Variants in OR3A2 observed in about 807,000 individuals in gnomAD.
The protein encoded by OR3A2 is olfactory receptor 3A2.
For missense variants in OR3A2, 318 were observed against 392.8 expected, an observed-to-expected ratio of 0.81 and a Z score of 1.61; for synonymous variants, 126 against 159.3, an observed-to-expected ratio of 0.79 and a Z score of 1.57.
At chr17:3,301,154 G>C (rs1039961775) in intron 3 of OR3A2, among the ~76,000 whole-genome samples, 2 of 152,108 alleles carry the variant, frequency 1.3e-5, no homozygotes, top group African/African-American at 4.8e-5. Flanking sequence ...ATAAACATAC[G>C]TGTGCATGTG....
At chr17:3,287,698 G>A (rs1204481802), upstream of OR3A2, among the ~76,000 whole-genome samples, 2 of 152,030 alleles carry the variant, frequency 1.3e-5, no homozygotes, top group Non-Finnish European at 2.9e-5. Context: ...TATTTATCAC[G>A]TGTCATTTCC....
intron 3 of OR3A2, among the ~76,000 whole-genome samples, chr17:3,321,738 T>C (rs2049124188): frequency 6.6e-6 from 1 of 152,132 alleles, no homozygotes. Flanking sequence ...GCCCACTTGA[T>C]CATGGTGGAT....
intron 2 of OR3A2, among the ~76,000 whole-genome samples, chr17:3,352,272 T>A (rs948488817): frequency 1.3e-5 from 2 of 151,978 alleles, no homozygotes; most frequent in African/African-American, 4.8e-5. Flanking sequence ...ATCTCATTTG[T>A]CCATTTTTGC....
chr17:3,376,550 A>T (rs1196783557), intron 2 of OR3A2, among the ~76,000 whole-genome samples: 1 of 152,088 alleles, frequency 6.6e-6, no homozygotes, highest in African/African-American at 2.4e-5. Context: ...TGCATCATAC[A>T]TATCACCAGG....
chr17:3,284,423 C>T (rs961282334), upstream of OR3A2: 1 of 151,892 alleles, frequency 6.6e-6, no homozygotes, highest in Non-Finnish European at 1.5e-5. Context: ...GCGCACACCC[C>T]GTTATCCTCC....
intron 3 of OR3A2, chr17:3,291,636 C>G: frequency 6.3e-7 from 1 of 1,593,542 alleles, no homozygotes; most frequent in Non-Finnish European, 8.6e-7. Flanking sequence ...GAGACCTCCT[C>G]AAGCCAGTGA....
chr17:3,300,629 C>T (rs1482525881), intron 3 of OR3A2, among the ~76,000 whole-genome samples: 1 of 151,702 alleles, frequency 6.6e-6, no homozygotes, highest in Non-Finnish European at 1.5e-5. Context: ...TACTATTGGC[C>T]TAAATGAAGA....
In OR3A2 at chr17:3,278,376, T is replaced by A. The variant is rs756097171; in HGVS notation, c.542A>T (p.Tyr181Phe). Reference sequence around the variant, plus strand: ...CTGGAAGAGCTGTGGGAGGTCACAGTAGAAGTGATTGACCTCATTGGGGCC... The same window carrying A: ...CTGGAAGAGCTGTGGGAGGTCACAGAAGAAGTGATTGACCTCATTGGGGCC... The change falls in exon 2 of 2, where the codon TAC becomes TTC. Residue 181 changes from tyrosine to phenylalanine, a missense_variant. Physicochemically the swap from Tyr to Phe is conservative, Grantham distance 22. Transcript: ENST00000642052. The A allele has an allele frequency of 3.1e-6, 5 of 1,613,880 alleles. No individual in the cohort carries two copies. The African/African-American group carries it at 6.7e-5, about 22-fold the overall frequency.
intron 3 of OR3A2, chr17:3,291,700 A>C (rs200200529): frequency 2.5e-6 from 4 of 1,611,698 alleles, no homozygotes; most frequent in African/African-American, 1.3e-5. Flanking sequence ...GGGTTTCTGA[A>C]GCTGTAGATG....
At chr17:3,348,118 T>A (rs1233675019) in intron 2 of OR3A2, among the ~76,000 whole-genome samples, 1 of 152,164 alleles carries the variant, frequency 6.6e-6, no homozygotes, top group Admixed American at 6.6e-5. Context: ...TAAATTTGTT[T>A]GAGTTCATTG....
intron 3 of OR3A2, among the ~76,000 whole-genome samples, chr17:3,331,667 C>T (rs1283153537): frequency 2.0e-5 from 3 of 151,574 alleles, no homozygotes; most frequent in African/African-American, 4.9e-5. Context: ...TGAATGTCCT[C>T]CCGTAGCTCA....
intron 2 of OR3A2, among the ~76,000 whole-genome samples, chr17:3,355,428 T>TTCTCTCTCTCTC (rs3037631): frequency 2.1e-5 from 3 of 139,580 alleles, no homozygotes; most frequent in South Asian, 2.2e-4. Context: ...ATGTTGGCAT[T>TTCTCTCTCTCTC]TCTCTCTCTC....
intron 3 of OR3A2, among the ~76,000 whole-genome samples, chr17:3,332,460 T>G (rs562209711): frequency 6.6e-6 from 1 of 152,326 alleles, no homozygotes; most frequent in South Asian, 2.1e-4. Context: ...AGTGACCTGA[T>G]TTTCCAGGTG....
chr17:3,343,478 T>G (rs1288910130), intron 2 of OR3A2, among the ~76,000 whole-genome samples: 1 of 152,162 alleles, frequency 6.6e-6, no homozygotes, highest in Non-Finnish European at 1.5e-5. Context: ...CCATCCAATA[T>G]CTCATTTTGG....
In OR3A2 at chr17:3,339,779, G is replaced by A. The variant is rs549165835; in HGVS notation, c.-178-3653C>T. On this transcript the variant is annotated intron_variant, in intron 2 of 4. Coordinates refer to the OR3A2 transcript ENST00000573491. ...CAGGCTTTGGAATCAGGATGATGCT[G>A]GCCTCATAAAATGAGTTAGGGTGGA... Among the ~76,000 whole-genome samples the A allele has an allele frequency of 2.0e-5, 3 of 152,156 alleles. No homozygotes were observed. The East Asian group carries it at 5.8e-4, about 29-fold the overall frequency.
chr17:3,363,145 A>G (rs1399729130), intron 2 of OR3A2, among the ~76,000 whole-genome samples: 1 of 151,746 alleles, frequency 6.6e-6, no homozygotes, highest in African/African-American at 2.4e-5. Context: ...TAAATATGCA[A>G]ATTTCTGCAG....
chr17:3,345,447 A>G (rs986981170), intron 2 of OR3A2, among the ~76,000 whole-genome samples: 1 of 152,110 alleles, frequency 6.6e-6, no homozygotes, highest in Admixed American at 6.6e-5. Context: ...AGATAGAGAC[A>G]GAGAGAGAGA....
intron 2 of OR3A2, among the ~76,000 whole-genome samples, chr17:3,336,791 T>C (rs2049277407): frequency 6.6e-6 from 1 of 152,132 alleles, no homozygotes. Context: ...AGAAATTGGG[T>C]ATCATTTTTT....
intron 1 of OR3A2, among the ~76,000 whole-genome samples, chr17:3,282,414 A>C (rs1163565715): frequency 6.6e-6 from 1 of 152,054 alleles, no homozygotes; most frequent in Non-Finnish European, 1.5e-5. Flanking sequence ...TCTCAAAAAA[A>C]AGAGTCAAGA....
Sources: allele counts gnomAD v4.1 joint callset (sites outside exome capture counted in the v4.1 genomes callset), GRCh38; gene constraint gnomAD v4.1.1; transcripts MANE v1.5; gene names NCBI Gene and HGNC (gene_info 2026-07-23, HGNC 2026-07-21).